Variants in FAM20A observed in about 807,000 individuals in gnomAD.
The protein encoded by FAM20A is pseudokinase FAM20A.
FAM20A carries 42 observed loss-of-function variants against 52.0 expected under a neutral mutation model. The ratio of observed to expected loss-of-function variants is 0.81; its 90% confidence interval spans 0.63 to 1.04. FAM20A has a LOEUF of 1.04. Ranked by LOEUF, FAM20A falls within the 50% of genes least tolerant of loss-of-function variation. The pLI is 0.00. For missense variants in FAM20A, 742 were observed against 712.7 expected, an observed-to-expected ratio of 1.04 and a Z score of -0.47; for synonymous variants, 304 against 298.9, an observed-to-expected ratio of 1.02 and a Z score of -0.18.
At chr17:68,558,619 C>G (rs1278699034) in intron 1 of FAM20A, among the ~76,000 whole-genome samples, 2 of 152,184 alleles carry the variant, frequency 1.3e-5, no homozygotes, top group East Asian at 3.9e-4. Context: ...TTTTCTGAGG[C>G]CCTCACCAGA....
At chr17:68,596,201 CCACA>C (rs140687859) in intron 1 of FAM20A, among the ~76,000 whole-genome samples, 40 of 149,564 alleles carry the variant, frequency 2.7e-4, no homozygotes, top group Admixed American at 5.3e-4. Context: ...ATGTGGGAAA[CCACA>C]CACACACACA....
rs536084953 is a variant in FAM20A, at chr17:68,582,763, T to A, written c.404+17500A>T. On this transcript the variant is annotated intron_variant, in intron 1 of 10. Transcript: ENST00000592554. ...GCCTTGGCCCTGCATAGCGCTTATG[T>A]GGAAGAGCCAGGATTAATTTTTTTT... 2.0e-5 allele frequency among the ~76,000 whole-genome samples: 3 copies of A among 147,178 alleles called. No homozygotes were observed. The East Asian group carries it at 6.0e-4, about 29-fold the overall frequency.
intron 5 of FAM20A, 60 bp downstream of exon 5, chr17:68,543,569 C>CA: frequency 6.8e-7 from 1 of 1,470,894 alleles, no homozygotes; most frequent in Non-Finnish European, 9.5e-7. Context: ...TCTGTCTAGC[C>CA]ACCCCTCCCA....
At chr17:68,578,420 A>G (rs1420361824) in intron 1 of FAM20A, among the ~76,000 whole-genome samples, 1 of 152,282 alleles carries the variant, frequency 6.6e-6, no homozygotes, top group Admixed American at 6.5e-5. Context: ...GCTAGTGCTA[A>G]TTTGCGTGGT....
At chr17:68,540,400 G>T in intron 8 of FAM20A, 1 of 447,600 alleles carries the variant, frequency 2.2e-6, no homozygotes, top group East Asian at 6.8e-5. Flanking sequence ...TCCGACCTAA[G>T]CTCCTGTATG....
intron 1 of FAM20A, chr17:68,597,982 G>A (rs992601093): frequency 6.7e-6 from 1 of 149,714 alleles, no homozygotes; most frequent in African/African-American, 2.5e-5. Flanking sequence ...AATTCACCCT[G>A]GCTAATGAAT....
intron 4 of FAM20A, among the ~76,000 whole-genome samples, chr17:68,546,425 T>C (rs1053851693): frequency 2.0e-4 from 30 of 152,194 alleles, no homozygotes; most frequent in Middle Eastern, 3.4e-3. Context: ...ATTTTCTTAA[T>C]GGCATCTAGA....
chr17:68,541,911 T>C, intron 7 of FAM20A, 74 bp downstream of exon 7: 1 of 1,520,458 alleles, frequency 6.6e-7, no homozygotes, highest in South Asian at 1.3e-5. Flanking sequence ...AAAGCCAAGC[T>C]AGCAACAAGT....
intron 1 of FAM20A, among the ~76,000 whole-genome samples, chr17:68,595,412 A>G (rs1366065268): frequency 6.6e-6 from 1 of 152,228 alleles, no homozygotes; most frequent in Non-Finnish European, 1.5e-5. Flanking sequence ...CTCAGAAACC[A>G]TCTGCTTGAA....
At chr17:68,545,986 G>T (rs142604916) in intron 4 of FAM20A, among the ~76,000 whole-genome samples, 1 of 151,962 alleles carries the variant, frequency 6.6e-6, no homozygotes, top group Non-Finnish European at 1.5e-5. Flanking sequence ...TGGCTAACAC[G>T]GTGAAACCCT....
chr17:68,579,628 T>C (rs549279330), intron 1 of FAM20A, among the ~76,000 whole-genome samples: 1 of 152,298 alleles, frequency 6.6e-6, no homozygotes, highest in East Asian at 1.9e-4. Flanking sequence ...TCGGAGTGGC[T>C]TTTCAAAACA....
rs2088602826 is a variant in FAM20A at position 68,600,737 on chromosome 17, G to A, written c.-71C>T. ...GGGGTCCCGGGAGGGGTCGCGGGGT[G>A]CGGGCAGAAGAGGTGCCTGGAGTCC... On this transcript the variant is annotated 5_prime_UTR_variant, in exon 1 of 11. Transcript: ENST00000592554. This position sits in a 1 kb window ranked among gnomAD's most constrained non-coding sequence, Gnocchi z 6.2. The A allele has an allele frequency of 2.7e-6, 4 of 1,481,144 alleles. No individual in the cohort carries two copies. The South Asian group carries it at 3.9e-5, about 14-fold the overall frequency. 91.8% of individuals were successfully genotyped at this position (1,481,144 alleles called of 1,614,324 possible).
chr17:68,584,434 T>C (rs2088110119), intron 1 of FAM20A, among the ~76,000 whole-genome samples: 1 of 152,098 alleles, frequency 6.6e-6, no homozygotes, highest in Non-Finnish European at 1.5e-5. Context: ...TTAAGTGGTG[T>C]TAAGAGCCCA....
rs565854816 is a variant in FAM20A at position 68,536,171 on chromosome 17, A to G, written c.*1306T>C. The G allele has an allele frequency of 1.5e-5, 7 of 454,132 alleles. No homozygotes were observed. The highest frequency in any genetic ancestry group is 1.4e-4 in the African/African-American group (7 of 50,146). 28.1% of individuals were successfully genotyped at this position (454,132 alleles called of 1,614,324 possible). On this transcript the variant is annotated 3_prime_UTR_variant, in exon 11 of 11. Coordinates refer to ENST00000592554, the MANE Select transcript of FAM20A (RefSeq NM_017565.4). Reference sequence around the variant, plus strand: ...TCCAGTCGAGGCTATCTTTGCTCACACTGCAGAAAGCTTGGAGACATTTCT... The same window carrying G: ...TCCAGTCGAGGCTATCTTTGCTCACGCTGCAGAAAGCTTGGAGACATTTCT...
intron 1 of FAM20A, among the ~76,000 whole-genome samples, chr17:68,581,350 T>TTTTCTTTCCTTCTTTCTTTC (rs2087943032): frequency 1.1e-5 from 1 of 92,218 alleles, no homozygotes; most frequent in Non-Finnish European, 2.1e-5. Context: ...GAAATGCAGT[T>TTTTCTTTCCTTCTTTCTTTC]TTTCTTTCTT....
chr17:68,574,263 C>T (rs1323575827), intron 1 of FAM20A, among the ~76,000 whole-genome samples: 1 of 152,108 alleles, frequency 6.6e-6, no homozygotes, highest in Non-Finnish European at 1.5e-5. Context: ...CAGGATCTCC[C>T]TATGTTGCCC....
intron 1 of FAM20A, among the ~76,000 whole-genome samples, chr17:68,576,927 T>C (rs1482057922): frequency 6.6e-6 from 1 of 152,058 alleles, no homozygotes; most frequent in Non-Finnish European, 1.5e-5. Context: ...TAGTAAAAAG[T>C]CTGCTTATCT....
intron 4 of FAM20A, among the ~76,000 whole-genome samples, chr17:68,545,199 A>G (rs935095640): frequency 3.3e-5 from 5 of 152,260 alleles, no homozygotes; most frequent in African/African-American, 1.2e-4. Context: ...AATGTAGATT[A>G]CACTGTGTTA....
At chr17:68,586,782 C>A (rs999370534) in intron 1 of FAM20A, among the ~76,000 whole-genome samples, 2 of 152,214 alleles carry the variant, frequency 1.3e-5, no homozygotes, top group Admixed American at 6.5e-5. Context: ...TAAACAGTGA[C>A]AATTTGTTAC....
Sources: gnomAD v4.1 joint callset for allele counts (sites outside exome capture counted in the v4.1 genomes callset) on GRCh38, gnomAD v4.1.1 for gene constraint, Gnocchi (gnomAD v3.1) non-coding constraint, MANE v1.5 for transcripts, NCBI Gene and HGNC (gene_info 2026-07-23, HGNC 2026-07-21) for gene names.